Variants in TCF25 observed in about 807,000 individuals in gnomAD.
TCF25 encodes the protein ribosome quality control complex subunit TCF25.
In TCF25, 41 loss-of-function variants were observed where a neutral mutation model predicts 83.1. The observed-to-expected ratio is 0.49, with a 90% CI of 0.38 to 0.64. The LOEUF is 0.64. Ranked by LOEUF, TCF25 falls within the 30% of genes least tolerant of loss-of-function variation. The pLI is 0.00. For synonymous variants in TCF25, 458 were observed against 365.0 expected (o/e 1.25, Z -2.90); for missense variants, 979 against 914.5 (o/e 1.07, Z -0.91).
At chr16:89,891,021 CA>C (rs911172059) in intron 5 of TCF25, among the ~76,000 whole-genome samples, 3 of 152,076 alleles carry the variant, frequency 2.0e-5, no homozygotes, top group Non-Finnish European at 4.4e-5. Flanking sequence ...GAATAACAGG[CA>C]CTGCTTTCTC....
intron 16 of TCF25, chr16:89,910,246 G>T (rs945806325): frequency 1.4e-5 from 5 of 346,558 alleles, no homozygotes; most frequent in Non-Finnish European, 2.7e-5. Context: ...TAAGGAGTGG[G>T]TGCTGAAGGA....
intron 2 of TCF25, 81 bp from the exon 3 acceptor site, chr16:89,884,500 TG>T: frequency 7.0e-7 from 1 of 1,438,326 alleles, no homozygotes; most frequent in Non-Finnish European, 9.6e-7. Context: ...TAGGTGAGGG[TG>T]GAGTCACGCT....
chr16:89,898,529 A>G (rs4315327), intron 9 of TCF25, 28 bp from the exon 10 acceptor site: 1 of 1,554,956 alleles, frequency 6.4e-7, no homozygotes, highest in Non-Finnish European at 8.7e-7. Flanking sequence ...GTGTCGTTGT[A>G]ATTCATGTGG....
chr16:89,897,302 G>A (rs962542007), intron 9 of TCF25, among the ~76,000 whole-genome samples: 3 of 152,216 alleles, frequency 2.0e-5, no homozygotes, highest in East Asian at 1.9e-4. Context: ...ATCAGGCCTC[G>A]CTGGTCAGAC....
intron 5 of TCF25, 64 bp downstream of exon 5, chr16:89,887,781 G>A (rs1241533662): frequency 1.6e-5 from 23 of 1,450,690 alleles, no homozygotes; most frequent in Non-Finnish European, 9.2e-7. Context: ...CTTGGCCGGG[G>A]GTGGTGTTCC....
In TCF25 at chr16:89,906,235, G is replaced by A. The variant is rs921333921; in HGVS notation, c.1670G>A (p.Arg557His). 2 of 1,613,402 alleles carry A rather than the reference G, an allele frequency of 1.2e-6. No individual in the cohort carries two copies. Among genetic ancestry groups the A allele is most frequent in the Non-Finnish European group, 1.7e-6 (2 of 1,179,996 alleles). ...CAGCGTGCACCCAGGAATATCCACC[G>A]CCATGTGATCCTCTCTGAGATCAAG... ...LYQRAPRNIH[R>H]HVILSEIKEA... The change falls in exon 15 of 18, where the codon CGC (arginine) becomes CAC (histidine). Residue 557 changes from arginine (R) to histidine (H), a missense_variant. Physicochemically the swap from Arg to His is conservative, Grantham distance 29. Transcript: ENST00000263346.
chr16:89,899,659 T>C (rs961342367), intron 11 of TCF25, among the ~76,000 whole-genome samples: 10 of 149,896 alleles, frequency 6.7e-5, no homozygotes, highest in Admixed American at 4.0e-4. Flanking sequence ...ACCTGGGAGG[T>C]GGAGGTTGCG....
chr16:89,879,150 G>A (rs896391345), intron 1 of TCF25, among the ~76,000 whole-genome samples: 4 of 150,670 alleles, frequency 2.7e-5, no homozygotes, highest in East Asian at 2.0e-4. Context: ...CCTGTCATAC[G>A]TGCTGTTCGT....
At chr16:89,908,347 C>T (rs2045160606) in intron 16 of TCF25, among the ~76,000 whole-genome samples, 1 of 149,332 alleles carries the variant, frequency 6.7e-6, no homozygotes, top group African/African-American at 2.5e-5. Flanking sequence ...CAGTTCCCAC[C>T]TCCCAGCTCC....
chr16:89,889,109 G>T (rs1386213173), intron 5 of TCF25: 3 of 284,420 alleles, frequency 1.1e-5, no homozygotes, highest in African/African-American at 2.3e-5. Context: ...AGAGCAGGGG[G>T]GGTGTCTGCT....
Position 89,896,039 on chromosome 16 carries a change from C to T in TCF25, c.978C>T (p.Leu326=), listed in dbSNP as rs1426392068. The T allele has an allele frequency of 5.6e-6, 9 of 1,613,912 alleles. No individual in the cohort carries two copies. Among genetic ancestry groups the T allele is most frequent in the Non-Finnish European group, 5.9e-6 (7 of 1,180,008 alleles). The part of the protein sequence containing the change: ...MECAFHPLFS[L]TSGACRLDYR... Reference sequence around the variant, plus strand: ...GTGCGTTCCACCCCCTGTTCAGTCTCACCAGTGGGGCCTGCCGGCTGGATT... The same window carrying T: ...GTGCGTTCCACCCCCTGTTCAGTCTTACCAGTGGGGCCTGCCGGCTGGATT... Residue 326 remains leucine, a synonymous_variant, in exon 9 of 18, where the codon CTC becomes CTT. Coordinates refer to ENST00000263346, the MANE Select transcript of TCF25 (RefSeq NM_014972.3).
chr16:89,880,834 C>T (rs2042552859), intron 1 of TCF25, among the ~76,000 whole-genome samples: 2 of 152,134 alleles, frequency 1.3e-5, no homozygotes, highest in Non-Finnish European at 2.9e-5. Flanking sequence ...AGGTTAGAAA[C>T]ATTTCAACAA....
At chr16:89,906,333 C>A in intron 15 of TCF25, 49 bp downstream of exon 15, 1 of 1,576,482 alleles carries the variant, frequency 6.3e-7, no homozygotes, top group Non-Finnish European at 8.7e-7. Flanking sequence ...CGGTCACATG[C>A]ACGTCCCTTC....
At chr16:89,893,892 G>A in intron 7 of TCF25, 34 bp downstream of exon 7, 1 of 1,575,146 alleles carries the variant, frequency 6.3e-7, no homozygotes, top group Non-Finnish European at 8.6e-7. Context: ...ACAGGAGCAG[G>A]GGCCATGTAG....
chr16:89,878,185 C>T (rs560324821), intron 1 of TCF25, among the ~76,000 whole-genome samples: 5 of 151,806 alleles, frequency 3.3e-5, no homozygotes, highest in Non-Finnish European at 5.9e-5. Flanking sequence ...GAGGCTGAGA[C>T]GGGAGGATGG....
At chr16:89,898,372 G>T (rs1376209355) in intron 9 of TCF25, among the ~76,000 whole-genome samples, 185 bp from the exon 10 acceptor site, 1 of 150,704 alleles carries the variant, frequency 6.6e-6, no homozygotes, top group South Asian at 2.1e-4. Flanking sequence ...TGACTGGGGC[G>T]CTGAGCAGTG....
In TCF25 at chr16:89,902,807, C is replaced by T. The variant is rs1175896448; in HGVS notation, c.1382-1311C>T. 9.8e-5 allele frequency among the ~76,000 whole-genome samples: 15 copies of T among 152,288 alleles called. No individual in the cohort carries two copies. In the East Asian group the frequency reaches 2.9e-3, roughly 29 times the overall value. On this transcript the variant is annotated intron_variant, in intron 12 of 17. Transcript: ENST00000263346. ...GGCGGTGAGGGGTGAGGGTTATTTG[C>T]GTGCAGCTAGTATACACACATTACG... is the stretch of plus-strand genomic sequence containing the variant.
At position 89,898,893 on chromosome 16, in the gene TCF25, G is replaced by GCCCC. The variant is rs1567724793; in HGVS notation, c.1221+22_1221+25dup. ...GGGAGGTGGGTGCGAGCCTGGTGAG[G>GCCCC]CCCCGTGGAGGGACGGACACCTGCT... is the stretch of plus-strand genomic sequence containing the variant. On this transcript the variant is annotated intron_variant, in intron 11 of 17. Transcript: ENST00000263346. 5 of 1,607,596 alleles carry GCCCC rather than the reference G, an allele frequency of 3.1e-6. No individual in the cohort carries two copies. The Admixed American group carries it at 8.3e-5, about 27-fold the overall frequency.
At chr16:89,886,167 C>G in intron 4 of TCF25, 1 of 568,284 alleles carries the variant, frequency 1.8e-6, no homozygotes. Flanking sequence ...GTGGCTCACG[C>G]CTGTAATCCC....
Sources: allele counts gnomAD v4.1 joint callset (sites outside exome capture counted in the v4.1 genomes callset), GRCh38; gene constraint gnomAD v4.1.1; transcripts MANE v1.5; gene names NCBI Gene and HGNC (gene_info 2026-07-23, HGNC 2026-07-21).